The following NTAN1 variants were observed in gnomAD, a reference collection of about 807,000 sequenced individuals.
NTAN1 encodes the protein N-terminal asparagine amidase.
In NTAN1, 32 loss-of-function variants were observed where a neutral mutation model predicts 41.9. The observed-to-expected ratio is 0.76, with a 90% CI of 0.58 to 1.03. The LOEUF is 1.03. NTAN1 is among the 50% of genes least tolerant of loss of function. The pLI is 0.00. For missense variants in NTAN1, 377 were observed against 377.5 expected (o/e 1.00, Z 0.01); for synonymous variants, 140 against 139.5 (o/e 1.00, Z -0.03).
At chr16:15,038,482 G>A (rs2043648139) in intron 9 of NTAN1, 92 bp downstream of exon 9, 2 of 736,226 alleles carry the variant, frequency 2.7e-6, no homozygotes, top group Non-Finnish European at 4.6e-6. Flanking sequence ...CAAAGGGAAA[G>A]CAGCTATGAC....
Position 15,037,964 on chromosome 16 carries a change from G to T in NTAN1, c.*67C>A. ...CCAACAGATGTAGGATCCAGATCTG[G>T]ATTCGTGCCAGCCCCACCAATGGTC... On this transcript the variant is annotated 3_prime_UTR_variant, in exon 10 of 10. Coordinates refer to ENST00000287706, the MANE Select transcript of NTAN1 (RefSeq NM_173474.4). 1.7e-6 allele frequency: 2 copies of T among 1,200,444 alleles called. No individual in the cohort carries two copies. The highest frequency in any genetic ancestry group is 2.4e-6 in the Non-Finnish European group (2 of 825,724). The allele number at this position is 1,200,444 out of a possible 1,614,324, so 74.4% of individuals were successfully genotyped here.
At position 15,038,574 on chromosome 16, in the gene NTAN1, C is replaced by A; in HGVS notation, c.753G>T (p.Glu251Asp). 6.6e-7 allele frequency: 1 copy of A among 1,509,536 alleles called. No homozygotes were observed. Among genetic ancestry groups the A allele is most frequent in the Non-Finnish European group, 9.2e-7 (1 of 1,086,034 alleles). The allele number at this position is 1,509,536 out of a possible 1,614,324, so 93.5% of individuals were successfully genotyped here. A position where few individuals can be genotyped will look rare whatever the true frequency, so the allele number is the denominator to read the frequency against. Residue 251 changes from glutamate (E) to aspartate (D), a missense_variant and splice_region_variant, in exon 9 of 10, where the codon GAG becomes GAT. Glu to Asp is a conservative substitution (Grantham distance 45). Transcript: ENST00000287706. ...WLHQDDKQIL[E>D]NLSTSPLAEP... Reference sequence around the variant, plus strand: ...ACTTACCCAGCCTGTAAACTCTCACCTCTAGTATTTGCTTGTCATCTTGGT... The same window carrying A: ...ACTTACCCAGCCTGTAAACTCTCACATCTAGTATTTGCTTGTCATCTTGGT...
At chr16:15,039,845 C>T (rs1168945758) in intron 8 of NTAN1, 124 bp downstream of exon 8, 1 of 667,778 alleles carries the variant, frequency 1.5e-6, no homozygotes, top group East Asian at 2.5e-5. Context: ...GTGCTGGTCC[C>T]TGATAATGTA....
At chr16:15,048,259 C>T (rs758260629) in intron 1 of NTAN1, among the ~76,000 whole-genome samples, 160 bp from the exon 2 acceptor site, 17 of 152,152 alleles carry the variant, frequency 1.1e-4, no homozygotes, top group East Asian at 9.6e-4. Flanking sequence ...GCAGCAGCCA[C>T]GGTCATTCAG....
At chr16:15,041,496 A>G (rs773329039) in intron 6 of NTAN1, 127 bp downstream of exon 6, 7 of 764,928 alleles carry the variant, frequency 9.2e-6, no homozygotes, top group Admixed American at 3.5e-5. Context: ...CACCACAGGA[A>G]GAGCCGGAAC....
chr16:15,054,547 G>C (rs1416574840), intron 1 of NTAN1, among the ~76,000 whole-genome samples: 2 of 152,220 alleles, frequency 1.3e-5, no homozygotes, highest in Non-Finnish European at 2.9e-5. Context: ...CAAGGATAAA[G>C]TGACACGCCA....
Position 15,047,897 on chromosome 16 carries a change from C to G in NTAN1, c.208G>C (p.Asp70His). ...ACAATGTGACAAGTAGTGGCATCAT[C>G]AGAACCCAGAATGGAGATGGAGCCT... is the stretch of plus-strand genomic sequence containing the variant. ...KDGSISILGS[D>H]DATTCHIVVL... is the part of the protein sequence containing the mutation. The change falls in exon 3 of 10, where the codon GAT (aspartate) becomes CAT (histidine). Residue 70 changes from aspartate to histidine, a missense_variant. By Grantham distance (81) the Asp-to-His change is moderately conservative. Coordinates refer to ENST00000287706, the MANE Select transcript of NTAN1 (RefSeq NM_173474.4). 2 of 1,613,766 alleles carry G rather than the reference C, an allele frequency of 1.2e-6. No individual in the cohort carries two copies. Among genetic ancestry groups the G allele is most frequent in the Non-Finnish European group, 1.7e-6 (2 of 1,179,632 alleles).
chr16:15,039,914 G>T lies in NTAN1; in HGVS notation c.639+55C>A. On this transcript the variant is annotated intron_variant, in intron 8 of 9. Coordinates refer to ENST00000287706, the MANE Select transcript of NTAN1 (RefSeq NM_173474.4). ...TAAGATCCCAAAAACTTAAGGCCTT[G>T]ACATTTGATGCCTTTTTTTTTTTAA... is the stretch of plus-strand genomic sequence containing the variant. The T allele has an allele frequency of 9.9e-7, 1 of 1,010,820 alleles. No homozygotes were observed. Among genetic ancestry groups the T allele is most frequent in the South Asian group, 1.4e-5 (1 of 72,810 alleles). The allele number at this position is 1,010,820 out of a possible 1,614,324, so 62.6% of individuals were successfully genotyped here. A position where few individuals can be genotyped will look rare whatever the true frequency, so the allele number is the denominator to read the frequency against.
At chr16:15,045,362 G>T (rs2044014611) in intron 4 of NTAN1, 1 of 152,160 alleles carries the variant, frequency 6.6e-6, no homozygotes, top group Admixed American at 6.6e-5. Context: ...GGCTACTCGG[G>T]AGGCTGAGGC....
At chr16:15,038,929 T>TC (rs2043677568) in intron 8 of NTAN1, among the ~76,000 whole-genome samples, 1 of 152,160 alleles carries the variant, frequency 6.6e-6, no homozygotes, top group South Asian at 2.1e-4. Context: ...GGGTGTTTTT[T>TC]CCCATTTGGG....
chr16:15,038,475 A>AG, intron 9 of NTAN1, 99 bp downstream of exon 9: 1 of 719,784 alleles, frequency 1.4e-6, no homozygotes, highest in Non-Finnish European at 2.4e-6. Flanking sequence ...TACCCGCCAA[A>AG]GGGAAAGCAG....
chr16:15,052,649 C>T (rs1402017922), intron 1 of NTAN1, among the ~76,000 whole-genome samples: 1 of 152,134 alleles, frequency 6.6e-6, no homozygotes, highest in East Asian at 1.9e-4. Context: ...GCCTGGCCAA[C>T]ATGTTGAAGC....
chr16:15,050,510 A>C (rs750862613), intron 1 of NTAN1, among the ~76,000 whole-genome samples: 4 of 152,132 alleles, frequency 2.6e-5, no homozygotes, highest in Non-Finnish European at 4.4e-5. Context: ...AGGAGGGAGG[A>C]CTGCTTGAGC....
intron 1 of NTAN1, among the ~76,000 whole-genome samples, chr16:15,052,389 C>CT (rs1466200838): frequency 2.2e-4 from 34 of 152,202 alleles, no homozygotes; most frequent in Non-Finnish European, 5.9e-5. Context: ...TGAGCTGTGG[C>CT]TTGTTGACCT....
intron 4 of NTAN1, chr16:15,047,127 T>A: frequency 2.6e-6 from 1 of 381,314 alleles, no homozygotes; most frequent in Admixed American, 4.1e-5. Context: ...AATGACTGCA[T>A]GGAGAGCTAC....
At chr16:15,047,355 G>A in intron 4 of NTAN1, 87 bp downstream of exon 4, 1 of 871,720 alleles carries the variant, frequency 1.1e-6, no homozygotes, top group Non-Finnish European at 1.9e-6. Context: ...GTGGCATCCT[G>A]TGTTCCCCTA....
At chr16:15,049,908 T>C (rs1319188484) in intron 1 of NTAN1, among the ~76,000 whole-genome samples, 11 of 152,214 alleles carry the variant, frequency 7.2e-5, no homozygotes, top group Non-Finnish European at 8.8e-5. Context: ...TTTAAAGAGC[T>C]ATAAATGTGC....
intron 4 of NTAN1, chr16:15,045,754 A>G (rs979176890): frequency 6.6e-6 from 1 of 152,268 alleles, no homozygotes; most frequent in Admixed American, 6.5e-5. Context: ...AGTGTTTCCC[A>G]CACTCATCTA....
chr16:15,050,081 T>C (rs2044237997), intron 1 of NTAN1, among the ~76,000 whole-genome samples: 1 of 152,164 alleles, frequency 6.6e-6, no homozygotes, highest in South Asian at 2.1e-4. Flanking sequence ...ATTGTTAGAA[T>C]ACAAAAACAA....
Sources: allele counts gnomAD v4.1 joint callset (sites outside exome capture counted in the v4.1 genomes callset), GRCh38; gene constraint gnomAD v4.1.1; transcripts MANE v1.5; gene names NCBI Gene and HGNC (gene_info 2026-07-23, HGNC 2026-07-21).